RBFOX1: variants seen among roughly 807,000 people sequenced by gnomAD.
RBFOX1 encodes RNA binding fox-1 homolog 1.
Under a neutral mutation model 57.7 loss-of-function variants are expected in RBFOX1, and 8 were observed. That is an observed-to-expected ratio of 0.14 (90% confidence interval 0.08 to 0.25). RBFOX1 has a LOEUF of 0.25. RBFOX1 is among the 10% of genes least tolerant of loss of function. The pLI is 1.00. For missense variants in RBFOX1, 611 were observed against 548.5 expected (o/e 1.11, Z -1.14); for synonymous variants, 326 against 222.4 (o/e 1.47, Z -4.15).
chr16:6,614,781 T>G (rs980492776), intron 2 of RBFOX1, among the ~76,000 whole-genome samples: 4 of 152,176 alleles, frequency 2.6e-5, no homozygotes, highest in African/African-American at 9.7e-5. Flanking sequence ...GGCCATTTTA[T>G]TTATGAGGAC....
intron 1 of RBFOX1, among the ~76,000 whole-genome samples, chr16:5,287,805 A>G (rs544562265): frequency 1.3e-5 from 2 of 152,316 alleles, no homozygotes; most frequent in African/African-American, 2.4e-5. Context: ...ACTAAACCCA[A>G]TATTAGGGGC....
chr16:5,754,362 A>T (rs2053323673), intron 3 of RBFOX1, among the ~76,000 whole-genome samples: 3 of 152,156 alleles, frequency 2.0e-5, no homozygotes, highest in Admixed American at 2.0e-4. Flanking sequence ...GTTAGGAAGG[A>T]AGGGAGTGTT....
intron 2 of RBFOX1, among the ~76,000 whole-genome samples, chr16:6,628,466 A>G (rs12924214): frequency 0.053 from 8,018 of 152,298 alleles, 301 homozygotes; most frequent in Non-Finnish European, 0.076. Context: ...ATAATATACT[A>G]TATACCCAGC....
intron 2 of RBFOX1, among the ~76,000 whole-genome samples, chr16:5,597,872 A>T (rs1567277610): frequency 1.3e-5 from 2 of 151,762 alleles, no homozygotes; most frequent in African/African-American, 4.8e-5. Flanking sequence ...CTCCACTGCA[A>T]CCCTGCTGAG....
chr16:5,376,033 TG>T (rs2151381189), intron 1 of RBFOX1, among the ~76,000 whole-genome samples: 1 of 152,032 alleles, frequency 6.6e-6, no homozygotes, highest in Admixed American at 6.5e-5. Flanking sequence ...CCGGGCTTGG[TG>T]GTGGGTGCCT....
chr16:6,158,052 C>G (rs148435966), intron 1 of RBFOX1, among the ~76,000 whole-genome samples: 11 of 152,264 alleles, frequency 7.2e-5, no homozygotes, highest in African/African-American at 2.4e-4. Context: ...CAAATCATAT[C>G]CAAACCAATG....
intron 3 of RBFOX1, among the ~76,000 whole-genome samples, chr16:6,885,989 G>A (rs924573603): frequency 6.6e-6 from 1 of 151,884 alleles, no homozygotes; most frequent in East Asian, 1.9e-4. Context: ...ACATGGACTT[G>A]AGAAAAGTGA....
chr16:7,205,699 A>T (rs8057637), intron 4 of RBFOX1, among the ~76,000 whole-genome samples: 15,461 of 152,236 alleles, frequency 0.1, 864 homozygotes, highest in African/African-American at 0.12. Context: ...AACTTGGTCC[A>T]CCATCTGCAG....
chr16:5,956,000 G>A (rs561149378), intron 4 of RBFOX1, among the ~76,000 whole-genome samples: 2 of 152,306 alleles, frequency 1.3e-5, no homozygotes, highest in East Asian at 3.9e-4. Flanking sequence ...GGTGGCTCGT[G>A]CCTGTAATCC....
intron 3 of RBFOX1, among the ~76,000 whole-genome samples, chr16:6,709,787 G>C (rs1415680804): frequency 6.6e-6 from 1 of 152,104 alleles, no homozygotes; most frequent in Non-Finnish European, 1.5e-5. Context: ...AGGAGATACT[G>C]CGGCAAGTAT....
chr16:5,250,145 A>G (rs2062413931), intron 1 of RBFOX1, among the ~76,000 whole-genome samples: 1 of 152,114 alleles, frequency 6.6e-6, no homozygotes, highest in African/African-American at 2.4e-5. Flanking sequence ...AAAAAAAAGA[A>G]AAAAGAATTT....
chr16:6,145,209 C>T (rs1165240187), intron 1 of RBFOX1, among the ~76,000 whole-genome samples: 1 of 152,022 alleles, frequency 6.6e-6, no homozygotes, highest in Non-Finnish European at 1.5e-5. Flanking sequence ...TAGGAAAGGC[C>T]CTGGGTGTGT....
intron 4 of RBFOX1, among the ~76,000 whole-genome samples, chr16:7,369,687 G>T (rs1316418673): frequency 6.6e-6 from 1 of 152,014 alleles, no homozygotes; most frequent in African/African-American, 2.4e-5. Flanking sequence ...GAGGATGGAG[G>T]GGCTATTTGC....
chr16:6,124,872 C>G (rs1286293428), intron 1 of RBFOX1, among the ~76,000 whole-genome samples: 1 of 152,016 alleles, frequency 6.6e-6, no homozygotes, highest in South Asian at 2.1e-4. Context: ...TAAAAATAGC[C>G]CAAACAAGCA....
intron 2 of RBFOX1, among the ~76,000 whole-genome samples, chr16:6,638,669 A>G (rs2098463512): frequency 6.6e-6 from 1 of 152,174 alleles, no homozygotes. Context: ...TTAATGCCAA[A>G]TATTACACAT....
intron 1 of RBFOX1, among the ~76,000 whole-genome samples, chr16:6,136,036 C>G (rs1198638505): frequency 6.6e-6 from 1 of 152,138 alleles, no homozygotes; most frequent in Non-Finnish European, 1.5e-5. Flanking sequence ...CTCAAGTGAT[C>G]TGCTTGCCTT....
chr16:7,047,809 T>C lies in RBFOX1; in HGVS notation c.-15-4248T>C, dbSNP rs549125931. Among the ~76,000 whole-genome samples, 28 of 151,322 alleles carry C rather than the reference T, an allele frequency of 1.9e-4. No homozygotes were observed. In the East Asian group the frequency reaches 4.6e-3, roughly 25 times the overall value. ...ATACTTTTTATGTACTCAAGTTTACTTCTTTTTCTTCTGTTGTCTTCATTC... is the reference window on the plus strand; with the variant it reads ...ATACTTTTTATGTACTCAAGTTTACCTCTTTTTCTTCTGTTGTCTTCATTC... On this transcript the variant is annotated intron_variant, in intron 3 of 15. Transcript: ENST00000550418.
intron 1 of RBFOX1, among the ~76,000 whole-genome samples, chr16:6,154,240 C>T (rs67882166): frequency 0.43 from 65,641 of 152,198 alleles, 15,097 homozygotes; most frequent in Non-Finnish European, 0.51. Context: ...GCAAGGTTAT[C>T]AGGTTGGTAC....
chr16:5,438,924 C>G (rs1338310749), intron 1 of RBFOX1, among the ~76,000 whole-genome samples: 1 of 151,038 alleles, frequency 6.6e-6, no homozygotes, highest in Non-Finnish European at 1.5e-5. Flanking sequence ...AGCTAATGTT[C>G]TAGTAGTTGT....
Sources: allele counts gnomAD v4.1 joint callset (sites outside exome capture counted in the v4.1 genomes callset), GRCh38; gene constraint gnomAD v4.1.1; transcripts MANE v1.5; gene names NCBI Gene and HGNC (gene_info 2026-07-23, HGNC 2026-07-21).